The following STAT3 variants were observed in gnomAD, a reference collection of about 807,000 sequenced individuals.
STAT3 encodes the protein signal transducer and activator of transcription 3.
A neutral mutation model predicts 114.3 loss-of-function variants in STAT3; 7 were observed. That is an observed-to-expected ratio of 0.06 (90% CI 0.03 to 0.11). The LOEUF is 0.11. Among genes scored for constraint, STAT3 ranks in the 10% least tolerant of loss-of-function variants. The pLI is 1.00. For synonymous variants in STAT3, 331 were observed against 354.5 expected (o/e 0.93, Z 0.74); for missense variants, 364 against 960.9 (o/e 0.38, Z 8.21).
At chr17:42,350,704 T>C (rs1270869471) in intron 1 of STAT3, among the ~76,000 whole-genome samples, 1 of 152,184 alleles carries the variant, frequency 6.6e-6, no homozygotes, top group Non-Finnish European at 1.5e-5. Flanking sequence ...CTCTCAAGCA[T>C]ATATTCAGGG....
Position 42,324,454 on chromosome 17 carries a change from G to C in STAT3, c.1600+257C>G, listed in dbSNP as rs949669360. Among the ~76,000 whole-genome samples, 30 of 152,152 alleles carry C rather than the reference G, an allele frequency of 2.0e-4. No individual in the cohort carries two copies. Among genetic ancestry groups the C allele is most frequent in the Non-Finnish European group, 3.5e-4 (24 of 68,022 alleles). ...TTAAAAGATCTTCTAAAGTTAGATA[G>C]AGTGGGTGAATGAGACAGCAACCAG... is the stretch of plus-strand genomic sequence containing the variant. On this transcript the variant is annotated intron_variant, in intron 17 of 23. Coordinates refer to ENST00000264657, the MANE Select transcript of STAT3 (RefSeq NM_139276.3). The surrounding 1 kb of genome is among the most constrained non-coding windows in gnomAD (Gnocchi z 4.5).
intron 1 of STAT3, among the ~76,000 whole-genome samples, chr17:42,367,150 T>C (rs1180752129): frequency 6.7e-6 from 1 of 149,156 alleles, no homozygotes; most frequent in East Asian, 2.0e-4. Context: ...TCAAAAAACA[T>C]AAACATAAAA....
chr17:42,347,630 G>C (rs1276139978), intron 2 of STAT3, among the ~76,000 whole-genome samples: 1 of 152,192 alleles, frequency 6.6e-6, no homozygotes, highest in Non-Finnish European at 1.5e-5. Context: ...AACCCCCACT[G>C]TTTGAGGTGG....
chr17:42,364,574 G>C (rs2083680720), intron 1 of STAT3, among the ~76,000 whole-genome samples: 1 of 151,946 alleles, frequency 6.6e-6, no homozygotes, highest in African/African-American at 2.4e-5. Flanking sequence ...AGCAGATAAA[G>C]AGAACTTAAG....
chr17:42,317,692 G>A (rs1273249743), intron 21 of STAT3: 10 of 208,674 alleles, frequency 4.8e-5, no homozygotes, highest in Non-Finnish European at 5.0e-5. Flanking sequence ...AAAGAACATG[G>A]AGACTGCTAA....
rs17879207 is a variant in STAT3, at chr17:42,381,846, A to G, written c.-24+6433T>C. Among the ~76,000 whole-genome samples, 997 of 152,306 alleles carry G rather than the reference A, an allele frequency of 6.5e-3. 15 individuals are homozygous for G. The highest frequency in any genetic ancestry group is 0.023 in the African/African-American group (944 of 41,570). On this transcript the variant is annotated intron_variant, in intron 1 of 23. Transcript: ENST00000264657. ...AAGTCAATTAACAGGATACATGTAA[A>G]ACACACATTTTATATTCCTACAAGT...
At chr17:42,342,266 T>A (rs1285276647) in intron 4 of STAT3, among the ~76,000 whole-genome samples, 1 of 152,090 alleles carries the variant, frequency 6.6e-6, no homozygotes, top group Non-Finnish European at 1.5e-5. Flanking sequence ...ATGGATCACC[T>A]GAGGTCAGGA....
chr17:42,343,034 T>C (rs2082514484), intron 4 of STAT3, among the ~76,000 whole-genome samples: 1 of 146,530 alleles, frequency 6.8e-6, no homozygotes. Flanking sequence ...TAGCTGGGCA[T>C]GGTGGCATGT....
intron 2 of STAT3, among the ~76,000 whole-genome samples, chr17:42,347,993 G>A (rs1239361184): frequency 1.3e-5 from 2 of 152,128 alleles, no homozygotes; most frequent in Non-Finnish European, 2.9e-5. Flanking sequence ...CACCCCTGTG[G>A]CTCCTTCCTT....
chr17:42,348,188 A>G (rs2082781991), intron 2 of STAT3, among the ~76,000 whole-genome samples: 1 of 152,220 alleles, frequency 6.6e-6, no homozygotes, highest in Non-Finnish European at 1.5e-5. Flanking sequence ...AATGTGTCAA[A>G]GACAGTTGCC....
At chr17:42,369,687 G>A (rs536101837) in intron 1 of STAT3, among the ~76,000 whole-genome samples, 1 of 152,214 alleles carries the variant, frequency 6.6e-6, no homozygotes, top group South Asian at 2.1e-4. Context: ...GTCTCACTCT[G>A]TGGCCCAGGC....
chr17:42,386,599 T>C (rs902952131), intron 1 of STAT3, among the ~76,000 whole-genome samples: 15 of 152,190 alleles, frequency 9.9e-5, no homozygotes, highest in Admixed American at 3.9e-4. Flanking sequence ...CCTCTCACCA[T>C]GTTGCCCAGA....
chr17:42,387,728 A>C (rs1457456439), intron 1 of STAT3: 1 of 152,338 alleles, frequency 6.6e-6, no homozygotes, highest in Non-Finnish European at 1.5e-5. Context: ...TTATGCAATA[A>C]AGCCTACCCA....
intron 4 of STAT3, among the ~76,000 whole-genome samples, chr17:42,344,921 C>T (rs2082626765): frequency 6.6e-6 from 1 of 151,656 alleles, no homozygotes; most frequent in South Asian, 2.1e-4. Context: ...CCTTGTTTTC[C>T]TATACTTTGG....
At chr17:42,326,033 T>C in intron 15 of STAT3, 83 bp downstream of exon 15, 1 of 1,236,344 alleles carries the variant, frequency 8.1e-7, no homozygotes, top group South Asian at 1.2e-5. Context: ...CATTCCACCT[T>C]CTCTTGTAAA....
At chr17:42,342,249 G>C (rs1209462129) in intron 4 of STAT3, among the ~76,000 whole-genome samples, 1 of 152,092 alleles carries the variant, frequency 6.6e-6, no homozygotes. Flanking sequence ...TTGGGAGGCC[G>C]AGGTGGATGG....
chr17:42,330,891 G>A (rs1306067272), intron 11 of STAT3, among the ~76,000 whole-genome samples: 4 of 152,100 alleles, frequency 2.6e-5, no homozygotes, highest in African/African-American at 4.8e-5. Context: ...ATATAACGAC[G>A]TTTCGGTCAA....
intron 4 of STAT3, among the ~76,000 whole-genome samples, chr17:42,339,738 C>G (rs1488464481): frequency 1.3e-5 from 2 of 152,040 alleles, no homozygotes; most frequent in East Asian, 3.9e-4. Flanking sequence ...AACGTGGTGT[C>G]CAGTATATTT....
intron 1 of STAT3, among the ~76,000 whole-genome samples, chr17:42,361,232 G>C (rs1342687001): frequency 6.6e-6 from 1 of 152,178 alleles, no homozygotes; most frequent in African/African-American, 2.4e-5. Context: ...TGTAATCCCA[G>C]CACTCTGGGG....
Sources: allele counts gnomAD v4.1 joint callset (sites outside exome capture counted in the v4.1 genomes callset), GRCh38; gene constraint gnomAD v4.1.1; non-coding constraint Gnocchi (gnomAD v3.1); transcripts MANE v1.5; gene names NCBI Gene and HGNC (gene_info 2026-07-23, HGNC 2026-07-21).